The following RBFOX3 variants were observed in gnomAD, a reference collection of about 807,000 sequenced individuals.
RBFOX3 encodes the protein RNA binding fox-1 homolog 3.
A neutral mutation model predicts 48.7 loss-of-function variants in RBFOX3; 17 were observed. The observed-to-expected ratio is 0.35, with a 90% CI of 0.24 to 0.52. RBFOX3 has a LOEUF of 0.52. Ranked by LOEUF, RBFOX3 falls within the 20% of genes least tolerant of loss-of-function variation. The pLI is 0.94. For synonymous variants in RBFOX3, 212 were observed against 209.5 expected (o/e 1.01, Z -0.10); for missense variants, 382 against 497.5 (o/e 0.77, Z 2.21).
intron 4 of RBFOX3, among the ~76,000 whole-genome samples, chr17:79,117,197 C>A (rs1463322432): frequency 7.9e-5 from 12 of 152,220 alleles, no homozygotes; most frequent in Non-Finnish European, 2.9e-5. Context: ...GTGAGGAGGC[C>A]CCACTGCCTG....
intron 1 of RBFOX3, among the ~76,000 whole-genome samples, chr17:79,503,185 A>G (rs2082605004): frequency 6.6e-6 from 1 of 152,158 alleles, no homozygotes; most frequent in Admixed American, 6.5e-5. Flanking sequence ...TCCTGACCTC[A>G]CTTGACCCTG....
intron 4 of RBFOX3, among the ~76,000 whole-genome samples, chr17:79,129,319 T>G (rs1016684073): frequency 6.6e-6 from 1 of 152,132 alleles, no homozygotes; most frequent in Non-Finnish European, 1.5e-5. Context: ...ACATCCAGGA[T>G]GTAGCAGACC....
intron 3 of RBFOX3, among the ~76,000 whole-genome samples, chr17:79,260,718 C>T (rs564228620): frequency 1.6e-4 from 25 of 152,312 alleles, no homozygotes; most frequent in Non-Finnish European, 3.7e-4. Context: ...GGGAATCCGA[C>T]GCCCCTCCCC....
chr17:79,330,615 G>A (rs1204899392), intron 2 of RBFOX3, among the ~76,000 whole-genome samples: 2 of 152,146 alleles, frequency 1.3e-5, no homozygotes, highest in African/African-American at 2.4e-5. Context: ...TCTCCCCCAG[G>A]CCTCTCCCAC....
chr17:79,124,651 G>T (rs1187648903), intron 4 of RBFOX3, among the ~76,000 whole-genome samples: 1 of 10,358 alleles, frequency 9.7e-5, no homozygotes, highest in Non-Finnish European at 1.8e-4. Flanking sequence ...CAGAGGGAAG[G>T]TGTTGCGGGG....
intron 2 of RBFOX3, among the ~76,000 whole-genome samples, chr17:79,399,503 G>A (rs535523933): frequency 5.3e-4 from 80 of 152,108 alleles, no homozygotes; most frequent in African/African-American, 1.9e-3. Context: ...ATCTTTTCAA[G>A]ACAGTGGTTC....
chr17:79,577,447 G>A (rs2092901986), intron 1 of RBFOX3, among the ~76,000 whole-genome samples: 1 of 152,206 alleles, frequency 6.6e-6, no homozygotes, highest in Non-Finnish European at 1.5e-5. Context: ...GGAAAAAGCA[G>A]CAATGTCAAA....
intron 1 of RBFOX3, among the ~76,000 whole-genome samples, chr17:79,491,173 A>G (rs1239580823): frequency 0.032 from 92 of 2,900 alleles, 2 homozygotes; most frequent in African/African-American, 0.065. Flanking sequence ...GGAGGGGAGG[A>G]GAGGGGAGGG....
intron 5 of RBFOX3, among the ~76,000 whole-genome samples, chr17:79,112,945 G>A (rs1466755113): frequency 6.6e-6 from 1 of 150,398 alleles, no homozygotes; most frequent in Non-Finnish European, 1.5e-5. Context: ...GGATGGTGGG[G>A]AAGGAAGAGA....
chr17:79,482,938 C>A lies in RBFOX3; in HGVS notation c.-319-340G>T, dbSNP rs2078974946. 1.3e-5 allele frequency among the ~76,000 whole-genome samples: 2 copies of A among 151,970 alleles called. No homozygotes were observed. Among genetic ancestry groups the A allele is most frequent in the African/African-American group, 4.8e-5 (2 of 41,342 alleles). On this transcript the variant is annotated intron_variant, in intron 1 of 14. Coordinates refer to ENST00000693108, the MANE Select transcript of RBFOX3 (RefSeq NM_001350451.2). This position sits in a 1 kb window ranked among gnomAD's most constrained non-coding sequence, Gnocchi z 4.1. ...CTTCCACCCCACCACGCTGGCCCCTCCCCATCGCCTTTCCCACTACCGCCC... is the reference window on the plus strand; with the variant it reads ...CTTCCACCCCACCACGCTGGCCCCTACCCATCGCCTTTCCCACTACCGCCC...
chr17:79,244,873 C>T (rs1386214024), intron 3 of RBFOX3, among the ~76,000 whole-genome samples: 1 of 146,364 alleles, frequency 6.8e-6, no homozygotes, highest in African/African-American at 2.5e-5. Flanking sequence ...TTTCCCTTCC[C>T]TTTCCTTCCC....
chr17:79,247,688 T>C (rs995073617), intron 3 of RBFOX3, among the ~76,000 whole-genome samples: 2 of 142,298 alleles, frequency 1.4e-5, no homozygotes, highest in Non-Finnish European at 3.1e-5. Flanking sequence ...GAGTTTTGCA[T>C]CTGGGGAAAA....
chr17:79,226,585 G>T (rs559449016), intron 4 of RBFOX3, among the ~76,000 whole-genome samples: 65 of 152,270 alleles, frequency 4.3e-4, no homozygotes, highest in African/African-American at 1.5e-3. Context: ...GGAGGAGCCT[G>T]GGATGTGGCA....
chr17:79,378,081 C>G (rs7219715), intron 2 of RBFOX3, among the ~76,000 whole-genome samples: 1 of 152,114 alleles, frequency 6.6e-6, no homozygotes, highest in Non-Finnish European at 1.5e-5. Flanking sequence ...CACAAGTGCC[C>G]GGACCCCGTG....
intron 2 of RBFOX3, among the ~76,000 whole-genome samples, chr17:79,435,373 G>A (rs1041580728): frequency 6.6e-6 from 1 of 152,192 alleles, no homozygotes; most frequent in Non-Finnish European, 1.5e-5. Flanking sequence ...TGCCCTGAGT[G>A]TCCCCCACAT....
intron 4 of RBFOX3, among the ~76,000 whole-genome samples, chr17:79,159,729 A>G (rs2046561544): frequency 7.0e-6 from 1 of 143,150 alleles, no homozygotes. Flanking sequence ...CCCATCACTT[A>G]CACACACACA....
chr17:79,190,716 G>A (rs1197273296), intron 4 of RBFOX3, among the ~76,000 whole-genome samples: 1 of 152,198 alleles, frequency 6.6e-6, no homozygotes, highest in Non-Finnish European at 1.5e-5. Context: ...AAAGGGTGAA[G>A]GCTTTGAAAG....
intron 14 of RBFOX3, 128 bp from the exon 15 acceptor site, chr17:79,091,013 G>T: frequency 1.1e-6 from 1 of 908,532 alleles, no homozygotes; most frequent in Non-Finnish European, 1.7e-6. Context: ...CTGCCCCCCA[G>T]GTTTCCAGGA....
intron 3 of RBFOX3, among the ~76,000 whole-genome samples, chr17:79,274,933 C>T (rs1034045261): frequency 7.3e-5 from 11 of 151,406 alleles, no homozygotes; most frequent in African/African-American, 2.4e-5. Flanking sequence ...ATTTTCACCC[C>T]CTCCCCACAC....
Sources: allele counts gnomAD v4.1 joint callset (sites outside exome capture counted in the v4.1 genomes callset), GRCh38; gene constraint gnomAD v4.1.1; non-coding constraint Gnocchi (gnomAD v3.1); transcripts MANE v1.5; gene names NCBI Gene and HGNC (gene_info 2026-07-23, HGNC 2026-07-21).